Variants in VWA5B1 observed in about 807,000 individuals in gnomAD.
The protein encoded by VWA5B1 is von Willebrand factor A domain-containing protein 5B1.
VWA5B1 carries 115 observed loss-of-function variants against 118.2 expected under a neutral mutation model. That is an observed-to-expected ratio of 0.97 (90% CI 0.84 to 1.14). The LOEUF is 1.14. VWA5B1 is among the 50% of genes most tolerant of loss of function. The pLI, the probability that VWA5B1 is intolerant of heterozygous loss-of-function variation, is 0.00. For synonymous variants in VWA5B1, 682 were observed against 658.4 expected (o/e 1.04, Z -0.55); for missense variants, 1,596 against 1,603.8 (o/e 1.00, Z 0.08).
intron 1 of VWA5B1, among the ~76,000 whole-genome samples, chr1:20,302,422 T>C (rs1372252266): frequency 3.9e-5 from 6 of 152,308 alleles, no homozygotes; most frequent in Admixed American, 3.3e-4. Flanking sequence ...ATTCAACCAA[T>C]AGAGCACATG....
chr1:20,333,041 T>C, intron 12 of VWA5B1, 90 bp downstream of exon 12: 3 of 1,442,972 alleles, frequency 2.1e-6, no homozygotes, highest in Middle Eastern at 2.1e-4. Context: ...TTGTGACAGC[T>C]AGAAACCAAC....
At chr1:20,296,348 A>G (rs554435782) in intron 1 of VWA5B1, among the ~76,000 whole-genome samples, 18 of 152,320 alleles carry the variant, frequency 1.2e-4, no homozygotes, top group Non-Finnish European at 1.5e-4. Flanking sequence ...ATACAAAGCC[A>G]AAGGATTGCA....
chr1:20,318,332 A>G (rs2089090824), intron 5 of VWA5B1: 3 of 534,138 alleles, frequency 5.6e-6, no homozygotes, highest in Non-Finnish European at 1.0e-5. Flanking sequence ...TGCGTGCCCT[A>G]TAAGAATGCA....
At chr1:20,344,076 A>G (rs951613703) in intron 16 of VWA5B1, among the ~76,000 whole-genome samples, 2 of 130,946 alleles carry the variant, frequency 1.5e-5, no homozygotes, top group African/African-American at 5.9e-5. Flanking sequence ...CCGTCCACCC[A>G]CCAACACACG....
intron 3 of VWA5B1, among the ~76,000 whole-genome samples, chr1:20,313,917 G>A (rs2088923027): frequency 6.6e-6 from 1 of 152,176 alleles, no homozygotes; most frequent in African/African-American, 2.4e-5. Flanking sequence ...CGGAGGGGTT[G>A]TGTGGGTGGG....
intron 5 of VWA5B1, chr1:20,318,322 T>A (rs574363200): frequency 7.8e-6 from 4 of 511,798 alleles, no homozygotes; most frequent in African/African-American, 3.9e-5. Flanking sequence ...CTGGGATCAG[T>A]GCGTGCCCTA....
intron 1 of VWA5B1, among the ~76,000 whole-genome samples, chr1:20,298,140 A>G (rs1296530950): frequency 6.6e-6 from 1 of 151,718 alleles, no homozygotes; most frequent in Non-Finnish European, 1.5e-5. Flanking sequence ...CCTCCCAAGA[A>G]GCTGGGATTA....
chr1:20,340,467 G>A (rs1343635580), intron 14 of VWA5B1, among the ~76,000 whole-genome samples: 7 of 152,246 alleles, frequency 4.6e-5, no homozygotes, highest in Non-Finnish European at 1.0e-4. Flanking sequence ...TAGGACCTCT[G>A]GCTTAGAAAG....
chr1:20,303,342 G>C (rs566366932), intron 1 of VWA5B1: 1 of 152,534 alleles, frequency 6.6e-6, no homozygotes, highest in South Asian at 2.1e-4. Flanking sequence ...GATCAGGCCA[G>C]GATGAGGGTG....
chr1:20,348,675 G>A (rs1473172960), intron 18 of VWA5B1, among the ~76,000 whole-genome samples: 1 of 152,232 alleles, frequency 6.6e-6, no homozygotes, highest in African/African-American at 2.4e-5. Flanking sequence ...CAGCCTCTGA[G>A]TCCTCCCAGG....
chr1:20,297,254 A>G (rs536313956), intron 1 of VWA5B1, among the ~76,000 whole-genome samples: 1 of 152,236 alleles, frequency 6.6e-6, no homozygotes, highest in Non-Finnish European at 1.5e-5. Flanking sequence ...ACGCTGCAGT[A>G]AAAAAGCAGC....
At chr1:20,342,725 T>G in intron 15 of VWA5B1, 116 bp downstream of exon 15, 2 of 1,287,890 alleles carry the variant, frequency 1.6e-6, no homozygotes, top group Middle Eastern at 2.3e-4. Flanking sequence ...CCTTGTGGTC[T>G]GCTGCGGCTC....
Position 20,354,351 on chromosome 1 carries a change from G to A in VWA5B1, c.*88G>A. ...TCGGCCTGGTTTCGGGGAGCTTTTG[G>A]AGCTGTAACTAATATTTCAGTTACT... On this transcript the variant is annotated 3_prime_UTR_variant, in exon 22 of 22. Transcript: ENST00000289815. 2.1e-6 allele frequency: 3 copies of A among 1,422,318 alleles called. No individual in the cohort carries two copies. The highest frequency in any genetic ancestry group is 5.0e-5 in the East Asian group (2 of 39,862). The allele number at this position is 1,422,318 out of a possible 1,614,324, so 88.1% of individuals were successfully genotyped here. A position where few individuals can be genotyped will look rare whatever the true frequency, so the allele number is the denominator to read the frequency against.
In VWA5B1 at chr1:20,319,502, G is replaced by A. The variant is rs368604984; in HGVS notation, c.962G>A (p.Arg321Gln). Residue 321 changes from arginine (R) to glutamine (Q), a missense_variant, in exon 7 of 22, where the codon CGG (arginine) becomes CAG (glutamine). Coordinates refer to ENST00000289815, the MANE Select transcript of VWA5B1 (RefSeq NM_001039500.3). ...ATGAAGAAGAAGAGCAGAGCAGAGCGGAAGGTGAGGGCAACTGAGGTGGGG... is the reference window on the plus strand; with the variant it reads ...ATGAAGAAGAAGAGCAGAGCAGAGCAGAAGGTGAGGGCAACTGAGGTGGGG... The part of the protein sequence containing the change: ...KGMKKKSRAE[R>Q]KTEIIRKRLH... 3.4e-5 allele frequency: 52 copies of A among 1,551,522 alleles called. No individual in the cohort carries two copies. The highest frequency in any genetic ancestry group is 8.3e-5 in the South Asian group (7 of 84,062).
intron 1 of VWA5B1, among the ~76,000 whole-genome samples, chr1:20,303,602 C>T (rs2088560872): frequency 6.6e-6 from 1 of 152,210 alleles, no homozygotes; most frequent in South Asian, 2.1e-4. Flanking sequence ...AGCAGAGTGA[C>T]TGGGCCAATT....
chr1:20,328,361 C>T (rs2089449909), intron 9 of VWA5B1, among the ~76,000 whole-genome samples: 1 of 152,088 alleles, frequency 6.6e-6, no homozygotes, highest in African/African-American at 2.4e-5. Context: ...CAAGGTTGAG[C>T]TAAGGAAGCG....
At chr1:20,294,373 T>G (rs2088365665) in intron 1 of VWA5B1, 1 of 152,320 alleles carries the variant, frequency 6.6e-6, no homozygotes, top group African/African-American at 2.4e-5. Context: ...GAAGGAACAG[T>G]TAGACATGGG....
chr1:20,290,908 C>T lies in VWA5B1; in HGVS notation c.-207C>T, dbSNP rs1449505386. 2 of 152,474 alleles carry T rather than the reference C, an allele frequency of 1.3e-5. No homozygotes were observed. The highest frequency in any genetic ancestry group is 2.4e-5 in the African/African-American group (1 of 41,598). The allele number at this position is 152,474 out of a possible 1,614,324, so 9.4% of individuals were successfully genotyped here. On this transcript the variant is annotated 5_prime_UTR_variant, in exon 1 of 22. Transcript: ENST00000289815. ...AAATGGCTCGGCCTCCTGCAGGCCA[C>T]CTAAACAGCTATCGCAATGTGGGCA...
chr1:20,314,741 C>A (rs1276431508), intron 4 of VWA5B1, 149 bp downstream of exon 4: 1 of 1,379,360 alleles, frequency 7.2e-7, no homozygotes, highest in Non-Finnish European at 9.6e-7. Flanking sequence ...CCATTTGCTT[C>A]TCCCCTGCTC....
Sources: allele counts gnomAD v4.1 joint callset (sites outside exome capture counted in the v4.1 genomes callset), GRCh38; gene constraint gnomAD v4.1.1; transcripts MANE v1.5; gene names NCBI Gene and HGNC (gene_info 2026-07-23, HGNC 2026-07-21).